CCDC152: variants seen among roughly 807,000 people sequenced by gnomAD.
CCDC152 encodes the protein coiled-coil domain containing 152, also known as coiled-coil domain-containing protein 152.
In CCDC152, 37 loss-of-function variants were observed where a neutral mutation model predicts 38.1. The observed-to-expected ratio is 0.97, with a 90% CI of 0.75 to 1.28. CCDC152 has a LOEUF of 1.28. CCDC152 is among the 50% of genes most tolerant of loss of function. The probability of loss-of-function intolerance (pLI) is 0.00; values close to 1 mark genes in which losing one functional copy is unlikely to be tolerated. For missense variants in CCDC152, 259 were observed against 292.1 expected, an observed-to-expected ratio of 0.89 and a Z score of 0.83; for synonymous variants, 83 against 87.1, an observed-to-expected ratio of 0.95 and a Z score of 0.26.
chr5:42,760,865 G>A (rs1424526229), intron 2 of CCDC152, among the ~76,000 whole-genome samples: 1 of 152,148 alleles, frequency 6.6e-6, no homozygotes, highest in African/African-American at 2.4e-5. Flanking sequence ...GGTGGGAAAG[G>A]AGTTAGTGCA....
At chr5:42,792,381 A>T (rs1760016562) in intron 6 of CCDC152, among the ~76,000 whole-genome samples, 1 of 152,196 alleles carries the variant, frequency 6.6e-6, no homozygotes, top group Non-Finnish European at 1.5e-5. Flanking sequence ...TTTTGCTAAC[A>T]GCCCTCAATT....
chr5:42,777,887 C>G (rs1759789539), intron 4 of CCDC152, among the ~76,000 whole-genome samples: 1 of 151,864 alleles, frequency 6.6e-6, no homozygotes, highest in African/African-American at 2.4e-5. Context: ...TGTTTATAGT[C>G]AAGGTTTTAA....
intron 2 of CCDC152, among the ~76,000 whole-genome samples, 167 bp from the exon 3 acceptor site, chr5:42,762,276 T>G (rs1759562932): frequency 6.6e-6 from 1 of 152,240 alleles, no homozygotes; most frequent in Non-Finnish European, 1.5e-5. Flanking sequence ...ATATGCAGTC[T>G]GTTGTTGATC....
At chr5:42,771,972 T>C (rs1336911384) in intron 4 of CCDC152, among the ~76,000 whole-genome samples, 8 of 152,158 alleles carry the variant, frequency 5.3e-5, no homozygotes, top group Admixed American at 3.9e-4. Flanking sequence ...GAAAATTACA[T>C]CCCAATATCC....
At position 42,768,686 on chromosome 5, in the gene CCDC152, T is replaced by C. The variant is rs566572150; in HGVS notation, c.194-911T>C. 4.6e-5 allele frequency among the ~76,000 whole-genome samples: 7 copies of C among 152,316 alleles called. No homozygotes were observed. The East Asian group carries it at 1.3e-3, about 29-fold the overall frequency. ...AGTACTAAGAGGATAGACTGGAAGA[T>C]AGAGTAAGAAAAGCATTGTCTTATA... On this transcript the variant is annotated intron_variant, in intron 3 of 8. Coordinates refer to ENST00000361970, the MANE Select transcript of CCDC152 (RefSeq NM_001134848.2).
chr5:42,799,553 A>T (rs1038800256), intron 8 of CCDC152, 95 bp downstream of exon 8: 41 of 1,156,208 alleles, frequency 3.5e-5, no homozygotes, highest in Middle Eastern at 2.1e-4. Context: ...AATATAAGGT[A>T]TTTTTTAAAA....
intron 3 of CCDC152, among the ~76,000 whole-genome samples, chr5:42,766,600 C>A (rs1033119896): frequency 1.3e-5 from 2 of 151,106 alleles, no homozygotes; most frequent in African/African-American, 4.9e-5. Context: ...TGAGATCCTG[C>A]CATTTGCAAC....
In CCDC152 at chr5:42,769,674, G is replaced by GA. The variant is rs1158570932; in HGVS notation, c.262+17dup. 29 of 1,466,674 alleles carry GA rather than the reference G, an allele frequency of 2.0e-5. No individual in the cohort carries two copies. The highest frequency in any genetic ancestry group is 8.0e-5 in the Admixed American group (3 of 37,350). The allele number at this position is 1,466,674 out of a possible 1,614,324, so 90.9% of individuals were successfully genotyped here. A position where few individuals can be genotyped will look rare whatever the true frequency, so the allele number is the denominator to read the frequency against. The stretch of plus-strand genomic sequence containing the variant: ...TCAACAGAATTTGAAAGGTAAGTTA[G>GA]AAAAAAAAGTAAAATCTAAAAAAGC... On this transcript the variant is annotated intron_variant, in intron 4 of 8. Transcript: ENST00000361970.
intron 3 of CCDC152, among the ~76,000 whole-genome samples, chr5:42,766,086 A>G (rs1201497380): frequency 6.6e-6 from 1 of 152,194 alleles, no homozygotes; most frequent in Non-Finnish European, 1.5e-5. Flanking sequence ...TAATAATCCA[A>G]TCCAAAAATG....
At position 42,801,437 on chromosome 5, in the gene CCDC152, G is replaced by A. The variant is rs1254246179; in HGVS notation, c.*1656G>A. 1 of 813,196 alleles carries A rather than the reference G, an allele frequency of 1.2e-6. No individual in the cohort carries two copies. Among genetic ancestry groups the A allele is most frequent in the Non-Finnish European group, 1.9e-6 (1 of 520,560 alleles). The allele number at this position is 813,196 out of a possible 1,614,324, so 50.4% of individuals were successfully genotyped here. A position where few individuals can be genotyped will look rare whatever the true frequency, so the allele number is the denominator to read the frequency against. On this transcript the variant is annotated 3_prime_UTR_variant, in exon 9 of 9. Coordinates refer to ENST00000361970, the MANE Select transcript of CCDC152 (RefSeq NM_001134848.2). ...ATGTGAAATTCCAACTAGTTAATTAGAATCGAGCTGGCTTTGTATTATATT... is the reference window on the plus strand; with the variant it reads ...ATGTGAAATTCCAACTAGTTAATTAAAATCGAGCTGGCTTTGTATTATATT...
intron 5 of CCDC152, 27 bp downstream of exon 5, chr5:42,779,549 T>G: frequency 8.1e-7 from 1 of 1,235,096 alleles, no homozygotes; most frequent in Non-Finnish European, 1.1e-6. Flanking sequence ...TTCTATTCAG[T>G]CAAGTCCCTG....
intron 3 of CCDC152, among the ~76,000 whole-genome samples, chr5:42,768,330 G>A (rs955780794): frequency 3.3e-5 from 5 of 152,090 alleles, no homozygotes; most frequent in African/African-American, 9.7e-5. Context: ...TTTGTGGATT[G>A]CCTACTATGG....
intron 4 of CCDC152, among the ~76,000 whole-genome samples, chr5:42,770,941 A>T (rs918013027): frequency 1.3e-5 from 2 of 152,152 alleles, no homozygotes; most frequent in Non-Finnish European, 2.9e-5. Flanking sequence ...TAATTTGTAT[A>T]TAGAAATGTG....
chr5:42,766,206 A>G (rs181493910), intron 3 of CCDC152, among the ~76,000 whole-genome samples: 2 of 152,338 alleles, frequency 1.3e-5, no homozygotes, highest in Middle Eastern at 6.8e-3. Flanking sequence ...AATCAAAACT[A>G]TAATGAAATC....
intron 3 of CCDC152, 58 bp downstream of exon 3, chr5:42,762,606 C>T: frequency 3.4e-6 from 3 of 895,076 alleles, no homozygotes; most frequent in Non-Finnish European, 5.4e-6. Flanking sequence ...TTCAGTTCAA[C>T]AGTGATTAAT....
intron 3 of CCDC152, among the ~76,000 whole-genome samples, chr5:42,764,696 C>T (rs531836680): frequency 1.1e-4 from 16 of 152,240 alleles, no homozygotes; most frequent in Non-Finnish European, 1.9e-4. Flanking sequence ...TCAATTGATG[C>T]TGAAAAAGGA....
At chr5:42,799,159 A>C (rs1469308412) in intron 7 of CCDC152, among the ~76,000 whole-genome samples, 2 of 152,080 alleles carry the variant, frequency 1.3e-5, no homozygotes, top group Non-Finnish European at 2.9e-5. Flanking sequence ...AAACCTCTCC[A>C]GGTAATTTTG....
chr5:42,771,299 C>G (rs1356290973), intron 4 of CCDC152, among the ~76,000 whole-genome samples: 1 of 151,604 alleles, frequency 6.6e-6, no homozygotes, highest in Non-Finnish European at 1.5e-5. Flanking sequence ...GGCTGTAAAG[C>G]CTAAATTTAA....
At chr5:42,785,479 A>G (rs991625869) in intron 6 of CCDC152, among the ~76,000 whole-genome samples, 2 of 152,068 alleles carry the variant, frequency 1.3e-5, no homozygotes, top group Admixed American at 6.6e-5. Context: ...GTCATTTGTC[A>G]GGTCTAGGGG....
Sources: allele counts gnomAD v4.1 joint callset (sites outside exome capture counted in the v4.1 genomes callset), GRCh38; gene constraint gnomAD v4.1.1; transcripts MANE v1.5; gene names NCBI Gene and HGNC (gene_info 2026-07-23, HGNC 2026-07-21).